Variants in NUP98 observed in about 807,000 individuals in gnomAD.
The protein encoded by NUP98 is nucleoporin 98 and 96 precursor.
Under a neutral mutation model 191.9 loss-of-function variants are expected in NUP98, and 26 were observed. The ratio of observed to expected loss-of-function variants is 0.14; its 90% CI spans 0.10 to 0.19. The LOEUF (loss-of-function observed/expected upper bound fraction) is 0.19. NUP98 is among the 10% of genes least tolerant of loss of function. The pLI, the probability that NUP98 is intolerant of heterozygous loss-of-function variation, is 1.00. For missense variants in NUP98, 1,941 were observed against 2,178.8 expected (o/e 0.89, Z 2.17); for synonymous variants, 808 against 778.4 (o/e 1.04, Z -0.63).
intron 14 of NUP98, among the ~76,000 whole-genome samples, chr11:3,725,489 T>G (rs2079581679): frequency 6.6e-6 from 1 of 152,186 alleles, no homozygotes; most frequent in Non-Finnish European, 1.5e-5. Flanking sequence ...ACTGTCCTCC[T>G]CCCAGCTCTG....
Position 3,699,198 on chromosome 11 carries a change from G to A in NUP98, c.3893C>T (p.Thr1298Ile). The change falls in exon 25 of 33, where the codon ACA becomes ATA. Residue 1298 changes from threonine (T) to isoleucine (I), a missense_variant. By Grantham distance (89) the Thr-to-Ile change is moderately conservative (BLOSUM62 -1). Around this residue, in one of 6 missense-constraint regions of NUP98, gnomAD observed 1,030 missense variants for 1,115.8 expected, o/e 0.92. Coordinates refer to ENST00000324932, the MANE Select transcript of NUP98 (RefSeq NM_016320.5). Reference sequence around the variant, plus strand: ...GGAGACTTCCTCTTCAATCTGAGGTGTGGCAGTACAGGATAGCCAGCGGGA... The same window carrying A: ...GGAGACTTCCTCTTCAATCTGAGGTATGGCAGTACAGGATAGCCAGCGGGA... ...AFSRWLSCTA[T>I]PQIEEEVSLT... The A allele has an allele frequency of 6.2e-7, 1 of 1,614,168 alleles. No individual in the cohort carries two copies. Among genetic ancestry groups the A allele is most frequent in the South Asian group, 1.1e-5 (1 of 91,090 alleles).
intron 1 of NUP98, among the ~76,000 whole-genome samples, chr11:3,786,730 TC>T (rs1265886520): frequency 6.6e-6 from 1 of 152,230 alleles, no homozygotes; most frequent in Non-Finnish European, 1.5e-5. Flanking sequence ...CTCTGTGAAC[TC>T]TGGGTACAAT....
intron 11 of NUP98, among the ~76,000 whole-genome samples, chr11:3,750,388 A>AGG (rs2080703025): frequency 1.3e-5 from 2 of 152,188 alleles, no homozygotes; most frequent in Non-Finnish European, 2.9e-5. Context: ...GAGCCACCTC[A>AGG]TCCAGCTCTA....
chr11:3,792,178 C>CAAAAAAAAAAAAAA, intron 1 of NUP98, among the ~76,000 whole-genome samples: 1 of 58,852 alleles, frequency 1.7e-5, no homozygotes, highest in Non-Finnish European at 3.1e-5. Flanking sequence ...AACTCCATCT[C>CAAAAAAAAAAAAAA]AAAAAAAAAA....
chr11:3,775,693 A>G (rs1044964368), intron 5 of NUP98, among the ~76,000 whole-genome samples, 189 bp downstream of exon 5: 2 of 152,178 alleles, frequency 1.3e-5, no homozygotes, highest in Non-Finnish European at 2.9e-5. Flanking sequence ...TCAAATATAC[A>G]TCGTAATCTA....
chr11:3,786,932 T>C (rs1296569628), intron 1 of NUP98, among the ~76,000 whole-genome samples: 1 of 152,226 alleles, frequency 6.6e-6, no homozygotes, highest in African/African-American at 2.4e-5. Flanking sequence ...TTCATTAAAC[T>C]CCTTTGTATC....
chr11:3,688,717 C>T (rs1314433676), intron 28 of NUP98, among the ~76,000 whole-genome samples: 1 of 149,614 alleles, frequency 6.7e-6, no homozygotes, highest in African/African-American at 2.4e-5. Flanking sequence ...ATCGCTTGAA[C>T]CTGGAAGGCA....
At chr11:3,771,016 C>T (rs79139938) in intron 7 of NUP98, among the ~76,000 whole-genome samples, 2,263 of 152,184 alleles carry the variant, frequency 0.015, 179 homozygotes, top group Admixed American at 0.13. Context: ...GTGCTTGTCA[C>T]CACGCCTGGC....
chr11:3,791,945 G>A (rs532121985), intron 1 of NUP98, among the ~76,000 whole-genome samples: 6 of 151,412 alleles, frequency 4.0e-5, no homozygotes, highest in South Asian at 2.1e-4. Flanking sequence ...TTTGGGAGGC[G>A]GAGGTGAGCG....
At chr11:3,679,034 A>C (rs1487151930) in intron 31 of NUP98, among the ~76,000 whole-genome samples, 2 of 149,564 alleles carry the variant, frequency 1.3e-5, no homozygotes, top group Non-Finnish European at 3.0e-5. Context: ...GGGGCATGAG[A>C]CTCACTTAAG....
chr11:3,694,892 T>C (rs1465194799), intron 26 of NUP98, among the ~76,000 whole-genome samples: 1 of 152,066 alleles, frequency 6.6e-6, no homozygotes, highest in East Asian at 1.9e-4. Context: ...TGCTATAAAT[T>C]CTTTTTTAAA....
chr11:3,765,326 G>A (rs149427044), intron 8 of NUP98, among the ~76,000 whole-genome samples: 8 of 152,302 alleles, frequency 5.3e-5, no homozygotes, highest in East Asian at 1.9e-4. Context: ...TCAGCCTCCT[G>A]AGTAGCTGGG....
At chr11:3,752,583 T>C (rs1049093936) in intron 11 of NUP98, among the ~76,000 whole-genome samples, 4 of 150,194 alleles carry the variant, frequency 2.7e-5, no homozygotes, top group African/African-American at 9.8e-5. Flanking sequence ...GCTCAGATGA[T>C]AGAAGGGGAA....
intron 14 of NUP98, among the ~76,000 whole-genome samples, chr11:3,729,244 A>C (rs2079738796): frequency 6.6e-6 from 1 of 152,114 alleles, no homozygotes; most frequent in Non-Finnish European, 1.5e-5. Context: ...CAACTGAGCC[A>C]AGGGCATTCT....
Position 3,712,551 on chromosome 11 carries a change from C to A in NUP98, c.2742+13G>T. Reference sequence around the variant, plus strand: ...ACGGATTCCATTCAAATTCACTGTCCTTTTTTCTCTACCTGAGGTGGAGGT... The same window carrying A: ...ACGGATTCCATTCAAATTCACTGTCATTTTTTCTCTACCTGAGGTGGAGGT... On this transcript the variant is annotated intron_variant, in intron 20 of 32. Transcript: ENST00000324932. 4.3e-6 allele frequency: 7 copies of A among 1,612,316 alleles called. No homozygotes were observed. Among genetic ancestry groups the A allele is most frequent in the Non-Finnish European group, 5.9e-6 (7 of 1,179,344 alleles).
chr11:3,704,037 T>C (rs894137747), intron 22 of NUP98, among the ~76,000 whole-genome samples: 1 of 152,252 alleles, frequency 6.6e-6, no homozygotes, highest in Non-Finnish European at 1.5e-5. Flanking sequence ...TACGTGGCTT[T>C]TGTCTAAAGC....
chr11:3,758,615 T>A (rs187610633), intron 10 of NUP98, among the ~76,000 whole-genome samples: 1 of 152,182 alleles, frequency 6.6e-6, no homozygotes, highest in Admixed American at 6.5e-5. Flanking sequence ...TGAAACCCCA[T>A]CTCTACTTTA....
chr11:3,753,551 TAAAA>T (rs368121441), intron 10 of NUP98, 143 bp from the exon 11 acceptor site: 1 of 568,684 alleles, frequency 1.8e-6, no homozygotes, highest in Non-Finnish European at 3.1e-6. Flanking sequence ...TAGGATAACT[TAAAA>T]AAAAAATTTC....
chr11:3,705,448 G>A (rs1343386229), intron 21 of NUP98, 92 bp from the exon 22 acceptor site: 1 of 1,232,698 alleles, frequency 8.1e-7, no homozygotes, highest in African/African-American at 1.5e-5. Flanking sequence ...CAAAAATATT[G>A]TTCCTCCTCA....
Sources: gnomAD v4.1 joint callset for allele counts (sites outside exome capture counted in the v4.1 genomes callset) on GRCh38, gnomAD v4.1.1 for gene constraint, gnomAD v4.1.1 regional missense constraint, MANE v1.5 for transcripts, NCBI Gene and HGNC (gene_info 2026-07-23, HGNC 2026-07-21) for gene names.